The following GALNTL6 variants were observed in gnomAD, a reference collection of about 807,000 sequenced individuals.
The protein encoded by GALNTL6 is polypeptide N-acetylgalactosaminyltransferase-like 6.
GALNTL6 carries 46 observed loss-of-function variants against 73.7 expected under a neutral mutation model. The observed-to-expected ratio is 0.62, with a 90% CI of 0.49 to 0.80. GALNTL6 has a LOEUF of 0.80. Among genes scored for constraint, GALNTL6 ranks in the 30% least tolerant of loss-of-function variants. The pLI, the probability that GALNTL6 is intolerant of heterozygous loss-of-function variation, is 0.00. For missense variants in GALNTL6, 604 were observed against 755.0 expected (o/e 0.80, Z 2.34); for synonymous variants, 259 against 263.7 (o/e 0.98, Z 0.17).
chr4:172,359,320 A>G (rs1742283804), intron 5 of GALNTL6, among the ~76,000 whole-genome samples: 5 of 152,154 alleles, frequency 3.3e-5, no homozygotes, highest in Admixed American at 3.3e-4. Context: ...TATAAGTGGG[A>G]ACTTAATGAT....
chr4:172,783,652 G>A (rs749782540), intron 5 of GALNTL6, among the ~76,000 whole-genome samples: 58 of 151,610 alleles, frequency 3.8e-4, no homozygotes, highest in Non-Finnish European at 2.5e-4. Flanking sequence ...AGTCTAATAC[G>A]GGTAAAATCA....
chr4:172,729,011 A>G (rs1579404581), intron 5 of GALNTL6, among the ~76,000 whole-genome samples: 1 of 152,206 alleles, frequency 6.6e-6, no homozygotes, highest in East Asian at 1.9e-4. Flanking sequence ...GGCCATTTGT[A>G]TGTCTTCTTT....
intron 2 of GALNTL6, among the ~76,000 whole-genome samples, chr4:172,193,808 A>G (rs1325496710): frequency 1.3e-5 from 2 of 152,188 alleles, no homozygotes; most frequent in African/African-American, 4.8e-5. Context: ...ACTTGCAGTG[A>G]GCTGAGATCG....
At chr4:172,898,951 A>G (rs1362332101) in intron 8 of GALNTL6, among the ~76,000 whole-genome samples, 1 of 152,204 alleles carries the variant, frequency 6.6e-6, no homozygotes, top group South Asian at 2.1e-4. Flanking sequence ...AGCACTGTGA[A>G]AATCCCTGTC....
chr4:172,677,576 A>G (rs2877718), intron 5 of GALNTL6, among the ~76,000 whole-genome samples: 149,473 of 152,230 alleles, frequency 0.98, 73,434 homozygotes, highest in Non-Finnish European at 1. Flanking sequence ...CACATAAACA[A>G]TTGGTCCAGG....
chr4:172,678,048 C>T (rs1261473630), intron 5 of GALNTL6, among the ~76,000 whole-genome samples: 2 of 152,152 alleles, frequency 1.3e-5, no homozygotes. Context: ...GTCTCTAATT[C>T]ATGTGCGTGT....
chr4:172,280,832 C>T (rs1218819176), intron 3 of GALNTL6, among the ~76,000 whole-genome samples: 2 of 152,018 alleles, frequency 1.3e-5, no homozygotes, highest in Admixed American at 6.6e-5. Flanking sequence ...TCTATTGCTA[C>T]TGTAACAACT....
At chr4:172,863,792 T>A (rs778727432) in intron 7 of GALNTL6, among the ~76,000 whole-genome samples, 5 of 152,158 alleles carry the variant, frequency 3.3e-5, no homozygotes, top group Non-Finnish European at 7.4e-5. Context: ...TTTGGAAATA[T>A]GAGGAAATGA....
At chr4:172,688,854 T>A (rs1378291641) in intron 5 of GALNTL6, among the ~76,000 whole-genome samples, 2 of 152,162 alleles carry the variant, frequency 1.3e-5, no homozygotes, top group Non-Finnish European at 2.9e-5. Flanking sequence ...TTTCTTTTTA[T>A]ATTTAACTTA....
chr4:172,564,022 T>C (rs1274539207), intron 5 of GALNTL6, among the ~76,000 whole-genome samples: 2 of 152,328 alleles, frequency 1.3e-5, no homozygotes, highest in East Asian at 3.9e-4. Context: ...TGTTATTGTC[T>C]AATGATATTT....
intron 7 of GALNTL6, among the ~76,000 whole-genome samples, chr4:172,865,119 A>G (rs1295676423): frequency 1.3e-5 from 2 of 152,218 alleles, no homozygotes; most frequent in African/African-American, 2.4e-5. Flanking sequence ...TTCCAAGCAG[A>G]GCAGAAAATT....
At chr4:172,215,074 TCA>T (rs35721081) in intron 2 of GALNTL6, among the ~76,000 whole-genome samples, 66,587 of 151,548 alleles carry the variant, frequency 0.44, 16,747 homozygotes, top group East Asian at 0.78. Flanking sequence ...GATTTTTACC[TCA>T]GTCTTTCCCT....
intron 3 of GALNTL6, among the ~76,000 whole-genome samples, chr4:172,251,208 G>A (rs1435813446): frequency 6.6e-6 from 1 of 152,052 alleles, no homozygotes; most frequent in East Asian, 1.9e-4. Context: ...AGGTAGTTTG[G>A]TGGCAGAATT....
At chr4:173,020,924 T>A (rs1752964398) in intron 11 of GALNTL6, among the ~76,000 whole-genome samples, 1 of 151,898 alleles carries the variant, frequency 6.6e-6, no homozygotes, top group South Asian at 2.1e-4. Flanking sequence ...AATACAAAAA[T>A]TAGCCAGGCG....
chr4:172,881,787 C>A (rs1279457758), intron 7 of GALNTL6, among the ~76,000 whole-genome samples: 1 of 152,062 alleles, frequency 6.6e-6, no homozygotes, highest in Admixed American at 6.6e-5. Flanking sequence ...GTTTCATATC[C>A]ATTTGTATAT....
At chr4:172,657,468 T>C (rs1437479192) in intron 5 of GALNTL6, among the ~76,000 whole-genome samples, 2 of 152,244 alleles carry the variant, frequency 1.3e-5, no homozygotes, top group Non-Finnish European at 2.9e-5. Flanking sequence ...TGTGAGTTTG[T>C]TTTTTATTTT....
At chr4:172,842,263 T>C (rs922702538) in intron 7 of GALNTL6, among the ~76,000 whole-genome samples, 1 of 152,246 alleles carries the variant, frequency 6.6e-6, no homozygotes, top group African/African-American at 2.4e-5. Flanking sequence ...TCATTTTTCA[T>C]TGTGCCACCT....
chr4:172,355,783 A>C (rs1200560188), intron 5 of GALNTL6, among the ~76,000 whole-genome samples: 2 of 152,010 alleles, frequency 1.3e-5, no homozygotes, highest in Non-Finnish European at 2.9e-5. Flanking sequence ...CATTTTTCTA[A>C]CTCACATTTC....
intron 5 of GALNTL6, among the ~76,000 whole-genome samples, chr4:172,414,054 G>A (rs985459464): frequency 2.0e-5 from 3 of 152,060 alleles, no homozygotes; most frequent in Admixed American, 6.6e-5. Context: ...GCATGTTAAG[G>A]TGTTTATTAT....
Sources: gnomAD v4.1 joint callset for allele counts (sites outside exome capture counted in the v4.1 genomes callset) on GRCh38, gnomAD v4.1.1 for gene constraint, MANE v1.5 for transcripts, NCBI Gene and HGNC (gene_info 2026-07-23, HGNC 2026-07-21) for gene names.